Variants in RALGPS1 observed in about 807,000 individuals in gnomAD.
RALGPS1 encodes ras-specific guanine nucleotide-releasing factor RalGPS1.
A neutral mutation model predicts 78.8 loss-of-function variants in RALGPS1; 19 were observed. The observed-to-expected ratio is 0.24, with a 90% CI of 0.17 to 0.35. RALGPS1 has a LOEUF of 0.35. Among genes scored for constraint, RALGPS1 ranks in the 10% least tolerant of loss-of-function variants. RALGPS1 has a pLI of 1.00. For synonymous variants in RALGPS1, 228 were observed against 256.3 expected, an observed-to-expected ratio of 0.89 and a Z score of 1.06; for missense variants, 454 against 688.3, an observed-to-expected ratio of 0.66 and a Z score of 3.81.
chr9:127,141,573 A>G (rs2057774595), intron 8 of RALGPS1, among the ~76,000 whole-genome samples: 1 of 150,212 alleles, frequency 6.7e-6, no homozygotes, highest in Non-Finnish European at 1.5e-5. Flanking sequence ...TTCAAAATGA[A>G]ACTTCAGAGA....
chr9:127,123,426 C>T (rs1486687470), intron 8 of RALGPS1, among the ~76,000 whole-genome samples: 1 of 152,212 alleles, frequency 6.6e-6, no homozygotes, highest in Non-Finnish European at 1.5e-5. Context: ...CCTGCAACAG[C>T]TGCAGCGAGG....
chr9:126,927,925 C>T (rs2035450517), intron 1 of RALGPS1, among the ~76,000 whole-genome samples: 1 of 152,206 alleles, frequency 6.6e-6, no homozygotes, highest in African/African-American at 2.4e-5. Flanking sequence ...GGGTGCATCC[C>T]TGGTCCACTC....
intron 4 of RALGPS1, among the ~76,000 whole-genome samples, chr9:127,025,685 A>G (rs1252341911): frequency 6.6e-6 from 1 of 151,614 alleles, no homozygotes; most frequent in African/African-American, 2.4e-5. Context: ...GTATGAACAA[A>G]TCTTTTCTTT....
chr9:127,045,880 T>C (rs2047726470), intron 5 of RALGPS1, among the ~76,000 whole-genome samples: 1 of 152,120 alleles, frequency 6.6e-6, no homozygotes, highest in South Asian at 2.1e-4. Flanking sequence ...TGTTTTGTGC[T>C]AATCTTGGTT....
intron 8 of RALGPS1, among the ~76,000 whole-genome samples, chr9:127,113,883 T>C (rs1047347763): frequency 6.6e-6 from 1 of 152,220 alleles, no homozygotes; most frequent in African/African-American, 2.4e-5. Flanking sequence ...CTCTCACCAC[T>C]GTGGTGCCAC....
At chr9:127,010,740 T>C (rs933535887) in intron 4 of RALGPS1, among the ~76,000 whole-genome samples, 8 of 152,236 alleles carry the variant, frequency 5.3e-5, no homozygotes, top group Non-Finnish European at 1.2e-4. Flanking sequence ...CTCCTGCTAA[T>C]TGATGGCCTC....
At chr9:126,954,559 G>C (rs2038167932) in intron 1 of RALGPS1, among the ~76,000 whole-genome samples, 1 of 152,210 alleles carries the variant, frequency 6.6e-6, no homozygotes, top group African/African-American at 2.4e-5. Context: ...GGCCAAAGCA[G>C]GTGGATCACT....
intron 8 of RALGPS1, among the ~76,000 whole-genome samples, chr9:127,076,954 G>GAAAA (rs913002363): frequency 6.6e-6 from 1 of 152,192 alleles, no homozygotes; most frequent in African/African-American, 2.4e-5. Context: ...CTAAAGTGAG[G>GAAAA]AAAAACATGT....
chr9:127,194,573 C>T (rs1347826090), intron 11 of RALGPS1, among the ~76,000 whole-genome samples: 4 of 152,178 alleles, frequency 2.6e-5, no homozygotes, highest in East Asian at 1.9e-4. Context: ...CCACCACACC[C>T]GGTGGATTTT....
chr9:127,082,876 C>T (rs900314773), intron 8 of RALGPS1, among the ~76,000 whole-genome samples: 1 of 152,164 alleles, frequency 6.6e-6, no homozygotes, highest in African/African-American at 2.4e-5. Context: ...AGTGAGAACC[C>T]TGTTGCCCCC....
intron 8 of RALGPS1, among the ~76,000 whole-genome samples, chr9:127,070,904 A>G (rs899773701): frequency 6.6e-6 from 1 of 151,632 alleles, no homozygotes; most frequent in African/African-American, 2.4e-5. Flanking sequence ...TTTAAAGCCA[A>G]CTTGGAAAAT....
At chr9:126,998,376 CA>C (rs1298882451) in intron 4 of RALGPS1, among the ~76,000 whole-genome samples, 2 of 152,112 alleles carry the variant, frequency 1.3e-5, no homozygotes, top group East Asian at 3.9e-4. Flanking sequence ...AGACACTTCT[CA>C]AAAGAAGACA....
intron 11 of RALGPS1, 141 bp from the exon 12 acceptor site, chr9:127,194,950 T>G: frequency 1.0e-6 from 1 of 956,120 alleles, no homozygotes; most frequent in South Asian, 1.5e-5. Flanking sequence ...AGAGCTCATA[T>G]GAACCTTGCC....
At chr9:127,195,666 G>A (rs1373229725) in intron 12 of RALGPS1, among the ~76,000 whole-genome samples, 1 of 152,196 alleles carries the variant, frequency 6.6e-6, no homozygotes, top group African/African-American at 2.4e-5. Context: ...CCCATAGCTG[G>A]GGGACATGCG....
intron 8 of RALGPS1, chr9:127,106,808 G>A (rs1442390360): frequency 1.3e-5 from 2 of 152,272 alleles, no homozygotes; most frequent in African/African-American, 4.8e-5. Flanking sequence ...TTAGCAAGAA[G>A]CTGCTATTCC....
In RALGPS1 at chr9:127,184,092, G is replaced by A. The variant is rs145532817; in HGVS notation, c.910+9310G>A. 2.6e-4 allele frequency: 394 copies of A among 1,517,852 alleles called. 1 individual carries two copies. The African/African-American group carries it at 3.8e-3, about 15-fold the overall frequency. The allele number at this position is 1,517,852 out of a possible 1,614,324, so 94.0% of individuals were successfully genotyped here. ...TGTAATCCCAGCACTTTGGGAAGCC[G>A]AAGCAGGAGGATCACTTGAGCCCAG... On this transcript the variant is annotated intron_variant, in intron 11 of 18. Coordinates refer to ENST00000259351, the MANE Select transcript of RALGPS1 (RefSeq NM_014636.3).
At chr9:127,043,752 A>G (rs2047518981) in intron 5 of RALGPS1, among the ~76,000 whole-genome samples, 1 of 152,254 alleles carries the variant, frequency 6.6e-6, no homozygotes, top group Non-Finnish European at 1.5e-5. Context: ...AAACTCAACA[A>G]TAAGAAAATA....
intron 8 of RALGPS1, among the ~76,000 whole-genome samples, chr9:127,123,077 T>C (rs2056309852): frequency 6.6e-6 from 1 of 152,210 alleles, no homozygotes; most frequent in Non-Finnish European, 1.5e-5. Context: ...GGATGCCTCG[T>C]TGGGCACTGC....
chr9:127,106,070 C>A (rs1471228654), intron 8 of RALGPS1, among the ~76,000 whole-genome samples: 1 of 152,200 alleles, frequency 6.6e-6, no homozygotes, highest in Non-Finnish European at 1.5e-5. Flanking sequence ...TGGATGCAAA[C>A]CCAGGTCTTA....
Sources: allele counts gnomAD v4.1 joint callset (sites outside exome capture counted in the v4.1 genomes callset), GRCh38; gene constraint gnomAD v4.1.1; transcripts MANE v1.5; gene names NCBI Gene and HGNC (gene_info 2026-07-23, HGNC 2026-07-21).